Variants in LTBP1 observed in about 807,000 individuals in gnomAD.
LTBP1 encodes latent-transforming growth factor beta-binding protein 1.
Under a neutral mutation model 207.6 loss-of-function variants are expected in LTBP1, and 129 were observed. That is an observed-to-expected ratio of 0.62 (90% CI 0.54 to 0.72). The LOEUF (loss-of-function observed/expected upper bound fraction) is 0.72. LTBP1 is among the 30% of genes least tolerant of loss of function. The pLI is 0.00. For synonymous variants in LTBP1, 963 were observed against 833.7 expected (o/e 1.16, Z -2.67); for missense variants, 2,281 against 2,217.2 (o/e 1.03, Z -0.58).
chr2:33,173,830 G>C (rs1320275151), intron 5 of LTBP1, among the ~76,000 whole-genome samples: 1 of 144,834 alleles, frequency 6.9e-6, no homozygotes, highest in Admixed American at 7.0e-5. Context: ...CTTCATCCCT[G>C]GGATGCAAGG....
At chr2:33,217,413 G>A (rs2090793359) in intron 7 of LTBP1, 139 bp from the exon 8 acceptor site, 3 of 521,522 alleles carry the variant, frequency 5.8e-6, no homozygotes, top group Non-Finnish European at 1.0e-5. Context: ...TTCTTTCCAA[G>A]TTTTATAGTT....
chr2:32,948,761 C>T (rs767613236), intron 1 of LTBP1, 114 bp from the exon 2 acceptor site: 1 of 981,664 alleles, frequency 1.0e-6, no homozygotes, highest in Non-Finnish European at 1.6e-6. Flanking sequence ...GACTCTCTCT[C>T]ATCCAGAGGG....
intron 31 of LTBP1, among the ~76,000 whole-genome samples, chr2:33,367,163 A>G (rs900462183): frequency 2.6e-5 from 4 of 152,102 alleles, no homozygotes; most frequent in East Asian, 1.9e-4. Flanking sequence ...ACTGAAGTCT[A>G]TGTCATCAAT....
intron 3 of LTBP1, among the ~76,000 whole-genome samples, chr2:33,082,597 T>C (rs1420666316): frequency 1.3e-5 from 2 of 151,906 alleles, no homozygotes; most frequent in Non-Finnish European, 2.9e-5. Context: ...GCTAATTGTT[T>C]TATATTTTTA....
In LTBP1 at chr2:33,087,084, C is replaced by CTTTTTTTT. The variant is rs35334788; in HGVS notation, c.864-23481_864-23474dup. Among the ~76,000 whole-genome samples, 432 of 88,848 alleles carry CTTTTTTTT rather than the reference C, an allele frequency of 4.9e-3. 32 individuals carry two copies. The highest frequency in any genetic ancestry group is 0.01 in the South Asian group (27 of 2,618). The allele number at this position is 88,848 out of a possible 152,430, so 58.3% of individuals were successfully genotyped here. A position where few individuals can be genotyped will look rare whatever the true frequency, so the allele number is the denominator to read the frequency against. On this transcript the variant is annotated intron_variant, in intron 3 of 33. Transcript: ENST00000404816. ...AGCACCAGGCTGTCCCTCCTTTATGCTTTTTTTTTTTTTTTTTTTTTTTTG... is the reference window on the plus strand; with the variant it reads ...AGCACCAGGCTGTCCCTCCTTTATGCTTTTTTTTTTTTTTTTTTTTTTTTTTTTTTTTG...
intron 32 of LTBP1, among the ~76,000 whole-genome samples, chr2:33,392,183 A>ATTTTTTTTTTTT (rs60323377): frequency 6.7e-6 from 1 of 148,278 alleles, no homozygotes; most frequent in Non-Finnish European, 1.5e-5. Flanking sequence ...GCCAGGTAGT[A>ATTTTTTTTTTTT]TTTTTTTTTT....
intron 3 of LTBP1, among the ~76,000 whole-genome samples, chr2:33,088,100 T>C (rs557660518): frequency 6.6e-6 from 1 of 152,346 alleles, no homozygotes; most frequent in South Asian, 2.1e-4. Flanking sequence ...GTTTTACAAA[T>C]AGGGATTTGA....
intron 2 of LTBP1, among the ~76,000 whole-genome samples, chr2:32,969,720 G>A (rs758552602): frequency 5.3e-5 from 8 of 152,128 alleles, no homozygotes; most frequent in Non-Finnish European, 8.8e-5. Context: ...ATCGTGAATA[G>A]TGCTGTGATG....
At chr2:33,346,410 G>A (rs1440841476) in intron 25 of LTBP1, among the ~76,000 whole-genome samples, 4 of 152,124 alleles carry the variant, frequency 2.6e-5, no homozygotes, top group Non-Finnish European at 4.4e-5. Flanking sequence ...TAGGCCAGGC[G>A]TGGTGGCTCA....
chr2:33,238,146 A>G (rs2092139034), intron 9 of LTBP1, among the ~76,000 whole-genome samples: 1 of 152,216 alleles, frequency 6.6e-6, no homozygotes, highest in South Asian at 2.1e-4. Context: ...AGTGGAAGGC[A>G]TACTGCTAAT....
chr2:33,298,266 T>A (rs1436586254), intron 20 of LTBP1, among the ~76,000 whole-genome samples: 1 of 152,250 alleles, frequency 6.6e-6, no homozygotes, highest in Non-Finnish European at 1.5e-5. Context: ...GATAACTGTG[T>A]TGCCTCAAGT....
At chr2:33,141,311 G>A (rs2082630000) in intron 5 of LTBP1, among the ~76,000 whole-genome samples, 1 of 152,082 alleles carries the variant, frequency 6.6e-6, no homozygotes, top group Admixed American at 6.6e-5. Flanking sequence ...TTGTTTAATG[G>A]GTATAGAGTT....
Position 33,280,095 on chromosome 2 carries a change from C to T in LTBP1, c.3049C>T (p.Pro1017Ser). The change falls in exon 19 of 34, where the codon CCT (proline) becomes TCT (serine). Residue 1017 changes from proline (P) to serine (S), a missense_variant. By Grantham distance (74) the Pro-to-Ser change is moderately conservative. Around this residue, in one of 3 missense-constraint regions of LTBP1, gnomAD observed 1,671 missense variants for 1,634.8 expected, o/e 1.02. Transcript: ENST00000404816. ...TCPDEQCVNSPGSYQCVPCTE... is the reference protein window; with the variant it reads ...TCPDEQCVNSSGSYQCVPCTE... Reference sequence around the variant, plus strand: ...TCCAGATGAGCAGTGTGTGAATTCTCCTGGATCTTACCAGTGCGTTCCCTG... The same window carrying T: ...TCCAGATGAGCAGTGTGTGAATTCTTCTGGATCTTACCAGTGCGTTCCCTG... 6.2e-7 allele frequency: 1 copy of T among 1,614,112 alleles called. No individual in the cohort carries two copies. Among genetic ancestry groups the T allele is most frequent in the Non-Finnish European group, 8.5e-7 (1 of 1,179,992 alleles).
intron 2 of LTBP1, among the ~76,000 whole-genome samples, chr2:32,986,397 C>T (rs1683573074): frequency 6.6e-6 from 1 of 152,132 alleles, no homozygotes; most frequent in Non-Finnish European, 1.5e-5. Flanking sequence ...GGATGATACA[C>T]AGACTGACTT....
chr2:33,383,067 G>A (rs2095234224), intron 31 of LTBP1, among the ~76,000 whole-genome samples: 2 of 152,230 alleles, frequency 1.3e-5, no homozygotes, highest in Admixed American at 6.5e-5. Flanking sequence ...AAAGAAAAGT[G>A]CCCATTGGCT....
At chr2:33,363,586 T>C (rs2094950710) in intron 29 of LTBP1, 68 bp downstream of exon 29, 1 of 1,482,074 alleles carries the variant, frequency 6.7e-7, no homozygotes, top group Non-Finnish European at 9.1e-7. Context: ...AACTATGCTA[T>C]GTAGTAAAAA....
chr2:33,190,488 A>G (rs1032165314), intron 7 of LTBP1, among the ~76,000 whole-genome samples: 1 of 152,180 alleles, frequency 6.6e-6, no homozygotes, highest in Non-Finnish European at 1.5e-5. Context: ...TGTAGACCTG[A>G]ATGGAAGGCA....
At chr2:33,205,832 G>C (rs1315419400) in intron 7 of LTBP1, among the ~76,000 whole-genome samples, 1 of 152,164 alleles carries the variant, frequency 6.6e-6, no homozygotes, top group Admixed American at 6.5e-5. Context: ...GCCCTGATGT[G>C]ATAGGACCAG....
intron 19 of LTBP1, among the ~76,000 whole-genome samples, chr2:33,283,836 C>T (rs569565983): frequency 1.3e-5 from 2 of 152,194 alleles, no homozygotes; most frequent in Non-Finnish European, 2.9e-5. Flanking sequence ...TCTCACAGGG[C>T]TGCCGTGTTC....
Sources: gnomAD v4.1 joint callset for allele counts (sites outside exome capture counted in the v4.1 genomes callset) on GRCh38, gnomAD v4.1.1 for gene constraint, gnomAD v4.1.1 regional missense constraint, MANE v1.5 for transcripts, NCBI Gene and HGNC (gene_info 2026-07-23, HGNC 2026-07-21) for gene names.